Variants in SH3RF1 observed in about 807,000 individuals in gnomAD.
The protein encoded by SH3RF1 is SH3 domain containing ring finger 1, also known as E3 ubiquitin-protein ligase SH3RF1.
Under a neutral mutation model 74.0 loss-of-function variants are expected in SH3RF1, and 32 were observed. The ratio of observed to expected loss-of-function variants is 0.43; its 90% confidence interval spans 0.33 to 0.58. The LOEUF is 0.58. Ranked by LOEUF, SH3RF1 falls within the 20% of genes least tolerant of loss-of-function variation. SH3RF1 has a pLI of 0.05. For missense variants in SH3RF1, 954 were observed against 1,130.9 expected, an observed-to-expected ratio of 0.84 and a Z score of 2.24; for synonymous variants, 396 against 439.6, an observed-to-expected ratio of 0.90 and a Z score of 1.24.
chr4:169,141,812 CTT>C (rs35864108), intron 4 of SH3RF1, among the ~76,000 whole-genome samples: 13 of 118,500 alleles, frequency 1.1e-4, no homozygotes, highest in Non-Finnish European at 1.4e-4. Flanking sequence ...CTAATTTTTG[CTT>C]TTTTTTTTTT....
chr4:169,150,484 T>C (rs1383929227), intron 4 of SH3RF1, among the ~76,000 whole-genome samples: 1 of 152,234 alleles, frequency 6.6e-6, no homozygotes, highest in Admixed American at 6.5e-5. Flanking sequence ...GTATCATTTT[T>C]TGTGGTGAGA....
intron 5 of SH3RF1, among the ~76,000 whole-genome samples, chr4:169,131,292 T>A (rs1475169088): frequency 6.6e-6 from 1 of 152,230 alleles, no homozygotes; most frequent in Non-Finnish European, 1.5e-5. Flanking sequence ...ATATATTGAT[T>A]GAACTAAAGT....
chr4:169,246,374 T>C (rs1464608162), intron 2 of SH3RF1, among the ~76,000 whole-genome samples: 1 of 152,230 alleles, frequency 6.6e-6, no homozygotes, highest in Non-Finnish European at 1.5e-5. Context: ...CGGTGTGCTA[T>C]ATAGATATTA....
chr4:169,115,823 C>T (rs559515797), intron 10 of SH3RF1, among the ~76,000 whole-genome samples: 45 of 152,264 alleles, frequency 3.0e-4, no homozygotes, highest in African/African-American at 1.1e-3. Context: ...TTTTGATCAA[C>T]AGTTTCATCC....
intron 4 of SH3RF1, among the ~76,000 whole-genome samples, chr4:169,154,121 T>C (rs1734015122): frequency 6.6e-6 from 1 of 152,174 alleles, no homozygotes; most frequent in East Asian, 1.9e-4. Context: ...GCTTGTAGTT[T>C]CCCATTACCC....
chr4:169,232,261 C>T (rs530281039), intron 2 of SH3RF1, among the ~76,000 whole-genome samples: 4 of 152,268 alleles, frequency 2.6e-5, no homozygotes, highest in South Asian at 2.1e-4. Flanking sequence ...ATGTTCAAAT[C>T]CACATTTGGG....
Position 169,122,174 on chromosome 4 carries a change from A to G in SH3RF1, c.1272T>C (p.Ala424=). The G allele has an allele frequency of 6.2e-7, 1 of 1,607,138 alleles. No individual in the cohort carries two copies. The highest frequency in any genetic ancestry group is 8.5e-7 in the Non-Finnish European group (1 of 1,175,930). The change falls in exon 7 of 12, where the codon GCT becomes GCC. Residue 424 remains alanine, a synonymous_variant. Coordinates refer to ENST00000284637, the MANE Select transcript of SH3RF1 (RefSeq NM_020870.4). ...PPGATAAAAA[A]GMGPRPMAGS... ...CTGCCATGGGCCTCGGTCCCATTCC[A>G]GCAGCAGCAGCAGCGGCGGTGGCGC...
At chr4:169,146,159 AT>A in intron 4 of SH3RF1, among the ~76,000 whole-genome samples, 1 of 100,526 alleles carries the variant, frequency 9.9e-6, no homozygotes, top group East Asian at 2.5e-4. Context: ...TATATAAAAT[AT>A]TATATATCTA....
chr4:169,146,654 G>C (rs1170782578), intron 4 of SH3RF1, among the ~76,000 whole-genome samples: 1 of 152,182 alleles, frequency 6.6e-6, no homozygotes, highest in East Asian at 1.9e-4. Context: ...AGTGACCAGA[G>C]GCTAACACTA....
intron 2 of SH3RF1, among the ~76,000 whole-genome samples, chr4:169,236,274 T>A (rs1579155527): frequency 1.3e-5 from 2 of 152,356 alleles, no homozygotes; most frequent in Admixed American, 1.3e-4. Flanking sequence ...CACTTCCAGA[T>A]GGAAGCTTTA....
intron 8 of SH3RF1, 75 bp from the exon 9 acceptor site, chr4:169,117,857 A>T (rs1490957399): frequency 6.6e-7 from 1 of 1,515,328 alleles, no homozygotes; most frequent in Non-Finnish European, 8.9e-7. Flanking sequence ...AATGCAAGAA[A>T]AATGACTCAG....
At chr4:169,119,746 T>C (rs993606352) in intron 8 of SH3RF1, among the ~76,000 whole-genome samples, 1 of 152,204 alleles carries the variant, frequency 6.6e-6, no homozygotes, top group African/African-American at 2.4e-5. Flanking sequence ...GGCCAACCTA[T>C]AAATCAAGGC....
chr4:169,182,774 G>A (rs1463275846), intron 2 of SH3RF1, among the ~76,000 whole-genome samples: 2 of 152,072 alleles, frequency 1.3e-5, no homozygotes, highest in African/African-American at 2.4e-5. Context: ...ATCCAGATAT[G>A]AGAATAATTT....
chr4:169,145,789 TTATTCTATATAAAATATA>T (rs973660691), intron 4 of SH3RF1, among the ~76,000 whole-genome samples: 7 of 132,210 alleles, frequency 5.3e-5, no homozygotes, highest in African/African-American at 1.1e-4. Flanking sequence ...ATTCTATATA[TTATTCTATATAAAATATA>T]TATTCTATAT....
intron 2 of SH3RF1, among the ~76,000 whole-genome samples, chr4:169,265,276 A>G (rs1041562172): frequency 3.9e-5 from 6 of 152,200 alleles, no homozygotes; most frequent in Non-Finnish European, 8.8e-5. Context: ...ATGAGTGCTT[A>G]AGAAGTATTT....
At chr4:169,185,866 C>A (rs1244106719) in intron 2 of SH3RF1, among the ~76,000 whole-genome samples, 1 of 152,196 alleles carries the variant, frequency 6.6e-6, no homozygotes, top group Non-Finnish European at 1.5e-5. Context: ...GAGAGAACTA[C>A]ACAGCGTAAT....
intron 2 of SH3RF1, among the ~76,000 whole-genome samples, chr4:169,251,747 G>C (rs1205112482): frequency 6.6e-6 from 1 of 152,178 alleles, no homozygotes; most frequent in Non-Finnish European, 1.5e-5. Context: ...ATGGAACAAA[G>C]GTGGCTTCCT....
At chr4:169,100,372 G>C (rs966721054) in intron 11 of SH3RF1, among the ~76,000 whole-genome samples, 1 of 151,214 alleles carries the variant, frequency 6.6e-6, no homozygotes, top group Non-Finnish European at 1.5e-5. Flanking sequence ...ACTGAGTTTC[G>C]CTCTTGTCAC....
At chr4:169,175,350 G>A (rs192270156) in intron 2 of SH3RF1, among the ~76,000 whole-genome samples, 2 of 152,172 alleles carry the variant, frequency 1.3e-5, no homozygotes, top group Admixed American at 1.3e-4. Context: ...TGGCTCCCAA[G>A]GCTTTCTATC....
Sources: allele counts gnomAD v4.1 joint callset (sites outside exome capture counted in the v4.1 genomes callset), GRCh38; gene constraint gnomAD v4.1.1; transcripts MANE v1.5; gene names NCBI Gene and HGNC (gene_info 2026-07-23, HGNC 2026-07-21).